YAP1: variants seen among roughly 807,000 people sequenced by gnomAD.
YAP1 encodes transcriptional coactivator YAP1.
In YAP1, 5 loss-of-function variants were observed where a neutral mutation model predicts 56.9. The observed-to-expected ratio is 0.09, with a 90% confidence interval of 0.05 to 0.18. The LOEUF is 0.18. Among genes scored for constraint, YAP1 ranks in the 10% least tolerant of loss-of-function variants. The pLI is 1.00. For synonymous variants in YAP1, 265 were observed against 248.1 expected, an observed-to-expected ratio of 1.07 and a Z score of -0.64; for missense variants, 539 against 651.8, an observed-to-expected ratio of 0.83 and a Z score of 1.88.
At chr11:102,226,732 G>A (rs957383507) in intron 7 of YAP1, among the ~76,000 whole-genome samples, 6 of 152,178 alleles carry the variant, frequency 3.9e-5, no homozygotes, top group Non-Finnish European at 7.3e-5. Context: ...TTCAAGGGAT[G>A]TGCCTTGCAG....
intron 2 of YAP1, among the ~76,000 whole-genome samples, chr11:102,138,391 A>C (rs149213899): frequency 5.3e-5 from 8 of 152,220 alleles, no homozygotes; most frequent in Non-Finnish European, 8.8e-5. Flanking sequence ...CTCTCACTCA[A>C]ATGTCTGGTG....
chr11:102,217,352 G>A (rs950447765), intron 6 of YAP1, among the ~76,000 whole-genome samples: 8 of 152,086 alleles, frequency 5.3e-5, no homozygotes, highest in African/African-American at 1.9e-4. Flanking sequence ...ATATTTTTAA[G>A]GTTTTTTTAA....
At chr11:102,207,990 C>T (rs181707090) in intron 5 of YAP1, among the ~76,000 whole-genome samples, 1 of 152,216 alleles carries the variant, frequency 6.6e-6, no homozygotes, top group East Asian at 1.9e-4. Flanking sequence ...GAAACCAGAC[C>T]CACCAAAAGG....
At chr11:102,142,707 A>G (rs1945090701) in intron 2 of YAP1, among the ~76,000 whole-genome samples, 1 of 152,198 alleles carries the variant, frequency 6.6e-6, no homozygotes, top group African/African-American at 2.4e-5. Context: ...ATTCTTTACA[A>G]TCAGTTTTAG....
At chr11:102,148,602 C>G (rs903449338) in intron 2 of YAP1, among the ~76,000 whole-genome samples, 2 of 152,042 alleles carry the variant, frequency 1.3e-5, no homozygotes, top group Non-Finnish European at 2.9e-5. Flanking sequence ...TGGGGGTAAC[C>G]ATACAGCACT....
chr11:102,193,324 A>G (rs1160717854), intron 4 of YAP1, among the ~76,000 whole-genome samples: 1 of 152,094 alleles, frequency 6.6e-6, no homozygotes, highest in Non-Finnish European at 1.5e-5. Context: ...TGCAGTTTTT[A>G]AAATTTTATG....
intron 2 of YAP1, among the ~76,000 whole-genome samples, chr11:102,132,064 G>A (rs1305331693): frequency 1.3e-5 from 2 of 152,094 alleles, no homozygotes; most frequent in African/African-American, 4.8e-5. Flanking sequence ...GTTGCAGTGA[G>A]CTGAGATCTC....
chr11:102,187,246 A>G (rs1356389735), intron 4 of YAP1, among the ~76,000 whole-genome samples: 1 of 152,212 alleles, frequency 6.6e-6, no homozygotes, highest in Non-Finnish European at 1.5e-5. Flanking sequence ...AGTTTGCCCC[A>G]AACTGACTGA....
intron 5 of YAP1, among the ~76,000 whole-genome samples, chr11:102,206,768 C>T (rs1012128360): frequency 3.3e-5 from 5 of 152,256 alleles, no homozygotes; most frequent in South Asian, 4.1e-4. Context: ...ACTTGAGCTT[C>T]GGAGGCAGAG....
At chr11:102,140,873 G>A (rs542805234) in intron 2 of YAP1, among the ~76,000 whole-genome samples, 2 of 151,856 alleles carry the variant, frequency 1.3e-5, no homozygotes, top group African/African-American at 2.4e-5. Flanking sequence ...TAATCCCTAC[G>A]TTCTCTTGGG....
chr11:102,162,933 A>G (rs1008564884), intron 3 of YAP1, among the ~76,000 whole-genome samples: 4 of 150,900 alleles, frequency 2.7e-5, no homozygotes, highest in Non-Finnish European at 5.9e-5. Context: ...TGTGGTTTGG[A>G]TGGAAAGCCA....
At chr11:102,203,189 C>T (rs1402520282) in intron 4 of YAP1, among the ~76,000 whole-genome samples, 3 of 152,144 alleles carry the variant, frequency 2.0e-5, no homozygotes, top group African/African-American at 7.2e-5. Context: ...GGTTAGGGCC[C>T]ATGAATTTGC....
At chr11:102,129,479 A>G (rs995221130) in intron 2 of YAP1, among the ~76,000 whole-genome samples, 4 of 151,856 alleles carry the variant, frequency 2.6e-5, no homozygotes, top group Non-Finnish European at 5.9e-5. Context: ...TTAGCTGTGC[A>G]TGATGGTGGG....
chr11:102,137,649 C>CT (rs1395928688), intron 2 of YAP1, among the ~76,000 whole-genome samples: 5 of 152,072 alleles, frequency 3.3e-5, no homozygotes, highest in African/African-American at 4.8e-5. Flanking sequence ...CAAGTTAAAT[C>CT]TGACTTTTTA....
chr11:102,122,538 A>T (rs1050724070), intron 2 of YAP1, among the ~76,000 whole-genome samples: 24 of 152,180 alleles, frequency 1.6e-4, no homozygotes, highest in African/African-American at 5.8e-4. Flanking sequence ...TTGAAATTTA[A>T]TTTTTAGGGA....
At position 102,143,132 on chromosome 11, in the gene YAP1, G is replaced by GT. The variant is rs1015595028; in HGVS notation, c.573-19316dup. ...GCTGCCTCTCTGCAACCATTAAAAG[G>GT]TTTTTTTTGTTTTTTTGTTTTTGCC... On this transcript the variant is annotated intron_variant, in intron 2 of 8. Transcript: ENST00000282441. Among the ~76,000 whole-genome samples the GT allele has an allele frequency of 1.5e-4, 23 of 152,030 alleles. No homozygotes were observed. The South Asian group carries it at 1.7e-3, about 11-fold the overall frequency.
At chr11:102,175,002 C>T (rs911201916) in intron 3 of YAP1, among the ~76,000 whole-genome samples, 3 of 152,124 alleles carry the variant, frequency 2.0e-5, no homozygotes, top group Non-Finnish European at 4.4e-5. Flanking sequence ...GATTCATCAG[C>T]GTGTTCTAGT....
intron 2 of YAP1, among the ~76,000 whole-genome samples, chr11:102,135,528 T>C (rs1464497175): frequency 6.6e-6 from 1 of 152,184 alleles, no homozygotes; most frequent in Non-Finnish European, 1.5e-5. Flanking sequence ...ACATGGCCTT[T>C]CTAGCATTGC....
At chr11:102,204,984 T>C (rs1949047746) in intron 4 of YAP1, among the ~76,000 whole-genome samples, 1 of 152,182 alleles carries the variant, frequency 6.6e-6, no homozygotes, top group African/African-American at 2.4e-5. Context: ...AAGTTGAATA[T>C]GTATCTGAAA....
Sources: allele counts gnomAD v4.1 joint callset (sites outside exome capture counted in the v4.1 genomes callset), GRCh38; gene constraint gnomAD v4.1.1; transcripts MANE v1.5; gene names NCBI Gene and HGNC (gene_info 2026-07-23, HGNC 2026-07-21).